EHBP1: variants seen among roughly 807,000 people sequenced by gnomAD.
EHBP1 encodes EH domain binding protein 1.
EHBP1 carries 55 observed loss-of-function variants against 144.0 expected under a neutral mutation model. The ratio of observed to expected loss-of-function variants is 0.38; its 90% CI spans 0.31 to 0.48. The LOEUF is 0.48. Ranked by LOEUF, EHBP1 falls within the 20% of genes least tolerant of loss-of-function variation. The pLI is 0.98. For missense variants in EHBP1, 1,200 were observed against 1,364.2 expected, an observed-to-expected ratio of 0.88 and a Z score of 1.90; for synonymous variants, 469 against 472.7, an observed-to-expected ratio of 0.99 and a Z score of 0.10.
At chr2:62,778,625 T>C (rs973496067) in intron 5 of EHBP1, among the ~76,000 whole-genome samples, 1 of 151,958 alleles carries the variant, frequency 6.6e-6, no homozygotes, top group Non-Finnish European at 1.5e-5. Flanking sequence ...TGAACAGGAT[T>C]ACTTGCCCAA....
Position 63,038,792 on chromosome 2 carries a change from T to TTGAG in EHBP1, c.3254_3257dup (p.Arg1086SerfsTer8). On this transcript the variant is annotated frameshift_variant, in exon 21 of 23. Coordinates refer to ENST00000431489, the MANE Select transcript of EHBP1 (RefSeq NM_001142616.3). LOFTEE classifies it high-confidence loss of function. ...ACGGTATGAGCTGCTGAACCGGGAA[T>TTGAG]TGAGGGCAATGCTAGCCATTGAAGG... The TTGAG allele has an allele frequency of 6.2e-7, 1 of 1,613,418 alleles. No homozygotes were observed.
intron 10 of EHBP1, among the ~76,000 whole-genome samples, chr2:62,904,808 GTC>G (rs1450958520): frequency 6.6e-6 from 1 of 152,144 alleles, no homozygotes; most frequent in Admixed American, 6.5e-5. Flanking sequence ...GGGGGATGGA[GTC>G]TCTCTCTGCC....
intron 19 of EHBP1, among the ~76,000 whole-genome samples, chr2:63,004,093 T>C (rs1303613029): frequency 1.3e-5 from 2 of 152,088 alleles, no homozygotes; most frequent in East Asian, 3.8e-4. Context: ...CTGTGACATA[T>C]TTGATAAGCT....
At position 62,834,713 on chromosome 2, in the gene EHBP1, C is replaced by G. The variant is rs550145314; in HGVS notation, c.634+3555C>G. ...TGAGATTATACCTGTACAGTTGAGG[C>G]TGGAACAGCATGGATTGAACGGCAT... On this transcript the variant is annotated intron_variant, in intron 7 of 22. Transcript: ENST00000431489. Among the ~76,000 whole-genome samples the G allele has an allele frequency of 3.9e-5, 6 of 152,298 alleles. No individual in the cohort carries two copies. In the South Asian group the frequency reaches 1.2e-3, roughly 32 times the overall value.
chr2:62,720,981 A>G lies in EHBP1; in HGVS notation c.104+13686A>G, dbSNP rs1309144907. Among the ~76,000 whole-genome samples the G allele has an allele frequency of 3.3e-5, 5 of 152,276 alleles. No homozygotes were observed. The East Asian group carries it at 7.7e-4, about 23-fold the overall frequency. On this transcript the variant is annotated intron_variant, in intron 2 of 22. Coordinates refer to ENST00000431489, the MANE Select transcript of EHBP1 (RefSeq NM_001142616.3). ...TAAAATTTGAATAAATAAATTTACC[A>G]TTGTCATTTATCAAAACTAAGATTA...
intron 10 of EHBP1, among the ~76,000 whole-genome samples, chr2:62,905,083 G>A (rs1003878853): frequency 2.0e-5 from 3 of 152,196 alleles, no homozygotes; most frequent in African/African-American, 7.2e-5. Flanking sequence ...TGTTTAAGTA[G>A]TTTACTAAAT....
chr2:63,030,408 T>C lies in EHBP1; in HGVS notation c.3104-7127T>C, dbSNP rs200076308. Among the ~76,000 whole-genome samples the C allele has an allele frequency of 2.3e-3, 353 of 150,260 alleles. 3 individuals are homozygous for C. The highest frequency in any genetic ancestry group is 6.9e-3 in the Middle Eastern group (2 of 288). On this transcript the variant is annotated intron_variant, in intron 19 of 22. Transcript: ENST00000431489. ...TTTAATATTTAGCTATATATATATA[T>C]ACACACACACACACACACACATTTA... is the stretch of plus-strand genomic sequence containing the variant.
chr2:62,955,132 T>C (rs951188949), intron 13 of EHBP1, among the ~76,000 whole-genome samples: 2 of 152,100 alleles, frequency 1.3e-5, no homozygotes, highest in East Asian at 3.9e-4. Context: ...TTGGAAGACA[T>C]GTTGTTATCA....
chr2:62,965,611 G>T (rs895214693), intron 14 of EHBP1, among the ~76,000 whole-genome samples: 4 of 152,156 alleles, frequency 2.6e-5, no homozygotes, highest in African/African-American at 9.6e-5. Context: ...TTTTCTGGAA[G>T]CCCTTAATGA....
At chr2:62,904,143 G>A (rs1207458359) in intron 10 of EHBP1, among the ~76,000 whole-genome samples, 2 of 152,210 alleles carry the variant, frequency 1.3e-5, no homozygotes, top group African/African-American at 2.4e-5. Flanking sequence ...TATATGGAAA[G>A]TGGTGTGGAA....
chr2:62,760,275 G>T (rs1024551450), intron 3 of EHBP1, among the ~76,000 whole-genome samples: 7 of 152,122 alleles, frequency 4.6e-5, no homozygotes, highest in African/African-American at 1.4e-4. Flanking sequence ...CAGCTATTTA[G>T]CTAGACTAAT....
intron 7 of EHBP1, among the ~76,000 whole-genome samples, chr2:62,842,796 G>T (rs1301555334): frequency 6.6e-6 from 1 of 152,126 alleles, no homozygotes; most frequent in East Asian, 1.9e-4. Flanking sequence ...TTTTAAGTAG[G>T]AATTTTTAAA....
chr2:62,793,512 T>C (rs1339462095), intron 5 of EHBP1, among the ~76,000 whole-genome samples: 2 of 152,102 alleles, frequency 1.3e-5, no homozygotes, highest in Non-Finnish European at 2.9e-5. Context: ...AGTTTGGAAG[T>C]AGATTTCAGT....
chr2:62,954,074 G>T (rs959977211), intron 13 of EHBP1, among the ~76,000 whole-genome samples: 1 of 152,094 alleles, frequency 6.6e-6, no homozygotes, highest in Non-Finnish European at 1.5e-5. Flanking sequence ...CTGAGAGTTG[G>T]TCTATTTCTA....
At chr2:62,708,954 G>A (rs1299583348) in intron 2 of EHBP1, among the ~76,000 whole-genome samples, 1 of 152,162 alleles carries the variant, frequency 6.6e-6, no homozygotes, top group Non-Finnish European at 1.5e-5. Context: ...AGGACTGAAA[G>A]CATGTTAAGT....
chr2:62,933,331 A>T (rs573963839), intron 10 of EHBP1, among the ~76,000 whole-genome samples: 8 of 152,218 alleles, frequency 5.3e-5, no homozygotes, highest in South Asian at 2.1e-4. Context: ...GTTGTACTCT[A>T]TGAAGAAAAT....
At position 62,826,173 on chromosome 2, in the gene EHBP1, T is replaced by C. The variant is rs1335876148; in HGVS notation, c.399T>C (p.Asp133=). Residue 133 remains aspartate, a synonymous_variant, in exon 6 of 23, where the codon GAT becomes GAC. Coordinates refer to ENST00000431489, the MANE Select transcript of EHBP1 (RefSeq NM_001142616.3). ...CAAGCCCTATGCCAACTCAGACTGA[T>C]GTCAAGTTAAAATTCAAGCCATTAT... ...QYASPMPTQT[D]VKLKFKPLSK... The C allele has an allele frequency of 6.2e-7, 1 of 1,611,808 alleles. No individual in the cohort carries two copies. Among genetic ancestry groups the C allele is most frequent in the Admixed American group, 1.7e-5 (1 of 59,704 alleles).
intron 10 of EHBP1, among the ~76,000 whole-genome samples, chr2:62,889,025 T>A (rs1573914698): frequency 6.9e-6 from 1 of 144,028 alleles, no homozygotes; most frequent in South Asian, 2.3e-4. Context: ...AGTGTCTTCA[T>A]AAATTTTGGC....
chr2:62,859,070 GTAT>G, intron 7 of EHBP1, 96 bp from the exon 8 acceptor site: 4 of 1,148,426 alleles, frequency 3.5e-6, no homozygotes, highest in Non-Finnish European at 3.7e-6. Context: ...TTATTTGCAG[GTAT>G]TATTCGTGTG....
Sources: gnomAD v4.1 joint callset for allele counts (sites outside exome capture counted in the v4.1 genomes callset) on GRCh38, gnomAD v4.1.1 for gene constraint, MANE v1.5 for transcripts, NCBI Gene and HGNC (gene_info 2026-07-23, HGNC 2026-07-21) for gene names.